PRAMEF26: variants seen among roughly 807,000 people sequenced by gnomAD.
PRAMEF26 encodes the protein PRAME family member 25.
At chr1:13,155,528 C>T (rs1642998114) in intron 1 of PRAMEF26, 2 of 76,504 alleles carry the variant, frequency 2.6e-5, no homozygotes, top group Non-Finnish European at 4.8e-5. Context: ...CATCCCCATC[C>T]TCAAAAAAAA....
intron 1 of PRAMEF26, chr1:13,154,801 A>C (rs1453684508): frequency 9.4e-5 from 1 of 10,680 alleles, no homozygotes; most frequent in Middle Eastern, 0.017. Context: ...TCCAGTGATT[A>C]CCTGGGTGGC....
chr1:13,155,215 T>TTAA (rs1424936502), intron 1 of PRAMEF26: 1 of 141,538 alleles, frequency 7.1e-6, no homozygotes, highest in African/African-American at 2.5e-5. Flanking sequence ...CCCAGCTAAT[T>TTAA]AAAAAAAAAA....
intron 1 of PRAMEF26, chr1:13,155,159 A>C (rs1488683402): frequency 7.0e-6 from 1 of 143,080 alleles, no homozygotes; most frequent in Non-Finnish European, 1.6e-5. Context: ...TGATTCTCCC[A>C]CACCAGCCAC....
rs1642994993 is a variant in PRAMEF26 at position 13,155,265 on chromosome 1, T to A, written c.-17+619A>T. The A allele has an allele frequency of 1.4e-5, 2 of 139,742 alleles. 1 individual carries two copies. The highest frequency in any genetic ancestry group is 1.4e-4 in the Admixed American group (2 of 13,834). 8.7% of individuals were successfully genotyped at this position (139,742 alleles called of 1,614,324 possible). A position where few individuals can be genotyped will look rare whatever the true frequency, so the allele number is the denominator to read the frequency against. On this transcript the variant is annotated intron_variant, in intron 1 of 3. Transcript: ENST00000624207. The stretch of plus-strand genomic sequence containing the variant: ...AAGCACCAGTGGCTCATGGCTCTAA[T>A]CCCAGCATTTTGGGAGGCCAAGGCA...
chr1:13,155,207 C>T (rs1249433945), intron 1 of PRAMEF26: 70 of 144,722 alleles, frequency 4.8e-4, no homozygotes, highest in African/African-American at 1.6e-3. Context: ...CCACCATGCC[C>T]AGCTAATTAA....
intron 1 of PRAMEF26, chr1:13,155,283 C>T (rs1476803309): frequency 7.2e-6 from 1 of 138,708 alleles, no homozygotes. Context: ...TTTTGGGAGG[C>T]CAAGGCAGGT....
chr1:13,155,142 G>T (rs1314802405), intron 1 of PRAMEF26: 4 of 141,594 alleles, frequency 2.8e-5, no homozygotes, highest in Non-Finnish European at 6.3e-5. Context: ...AATCTTCTGG[G>T]CTAAAGTGAT....
At chr1:13,155,558 G>C (rs1465591874) in intron 1 of PRAMEF26, 22 of 74,598 alleles carry the variant, frequency 2.9e-4, no homozygotes, top group Non-Finnish European at 3.4e-4. Flanking sequence ...GTGTAGAGGA[G>C]GGTTTTTGTC....
At chr1:13,154,804 T>G (rs1642988751) in intron 1 of PRAMEF26, 1 of 11,360 alleles carries the variant, frequency 8.8e-5, no homozygotes, top group Middle Eastern at 0.016. Context: ...AGTGATTACC[T>G]GGGTGGCATA....
chr1:13,155,750 A>G (rs1219066334), intron 1 of PRAMEF26, 134 bp downstream of exon 1: 3 of 100,712 alleles, frequency 3.0e-5, no homozygotes, highest in African/African-American at 1.5e-4. Context: ...AAAACATTCA[A>G]AGCTTCAAAT....
intron 1 of PRAMEF26, chr1:13,155,491 T>C (rs1206630650): frequency 6.0e-4 from 52 of 86,266 alleles, no homozygotes; most frequent in Admixed American, 4.2e-3. Flanking sequence ...GCCACTGCAC[T>C]CCAGTCTGGG....
At chr1:13,150,174 C>G (rs1642966294) in intron 3 of PRAMEF26, 1 of 167,208 alleles carries the variant, frequency 6.0e-6, no homozygotes, top group African/African-American at 2.6e-5. Flanking sequence ...GAAGCTGAGG[C>G]AGAAGAATCG....
chr1:13,155,188 A>G (rs1351787311), intron 1 of PRAMEF26: 1 of 145,856 alleles, frequency 6.9e-6, no homozygotes, highest in Non-Finnish European at 1.5e-5. Flanking sequence ...CTGGGGCTAC[A>G]GATGCATGCC....
intron 3 of PRAMEF26, chr1:13,150,307 T>C (rs1313707156): frequency 1.2e-5 from 2 of 173,752 alleles, no homozygotes; most frequent in Non-Finnish European, 2.4e-5. Context: ...CATTTGAGGC[T>C]GAGTCATTTC....
At chr1:13,155,816 C>G (rs1233528927) in intron 1 of PRAMEF26, 68 bp downstream of exon 1, 2 of 98,644 alleles carry the variant, frequency 2.0e-5, no homozygotes, top group South Asian at 3.3e-4. Context: ...GTAGGCTGCA[C>G]TGTCACCATC....
At chr1:13,150,155 G>C (rs1347622521) in intron 3 of PRAMEF26, 1 of 149,470 alleles carries the variant, frequency 6.7e-6, no homozygotes, top group Non-Finnish European at 1.4e-5. Context: ...TGCAATTCCA[G>C]CTACTTGGGA....
rs1169681669 is a variant in PRAMEF26 at position 13,155,239 on chromosome 1, C to T, written c.-17+645G>A. The T allele has an allele frequency of 2.0e-4, 29 of 145,266 alleles. 1 individual carries two copies. The Middle Eastern group carries it at 0.015, about 76-fold the overall frequency. The allele number at this position is 145,266 out of a possible 1,614,324, so 9.0% of individuals were successfully genotyped here. A position where few individuals can be genotyped will look rare whatever the true frequency, so the allele number is the denominator to read the frequency against. On this transcript the variant is annotated intron_variant, in intron 1 of 3. Transcript: ENST00000624207. ...TTAAAAAAAAAAAAAAAGTAGAGGCCAAGCACCAGTGGCTCATGGCTCTAA... is the reference window on the plus strand; with the variant it reads ...TTAAAAAAAAAAAAAAAGTAGAGGCTAAGCACCAGTGGCTCATGGCTCTAA...
intron 1 of PRAMEF26, chr1:13,154,874 G>A (rs1642989266): frequency 3.4e-5 from 1 of 29,228 alleles, no homozygotes; most frequent in African/African-American, 1.4e-4. Flanking sequence ...GAGTGCAGTG[G>A]TGCCATCTCG....
chr1:13,155,905 A>C lies in PRAMEF26; in HGVS notation c.-38T>G, dbSNP rs1309328763. On this transcript the variant is annotated 5_prime_UTR_variant, in exon 1 of 4. Transcript: ENST00000624207. ...TTACCAGATCTGGATGTAGTTTAGA[A>C]GGTGCTCAGACCTCAGGAAGAACCA... 5.5e-5 allele frequency: 4 copies of C among 72,618 alleles called. No individual in the cohort carries two copies. The highest frequency in any genetic ancestry group is 4.3e-4 in the African/African-American group (3 of 6,988). 4.5% of individuals were successfully genotyped at this position (72,618 alleles called of 1,614,324 possible). A position where few individuals can be genotyped will look rare whatever the true frequency, so the allele number is the denominator to read the frequency against.
Sources: gnomAD v4.1 joint callset for allele counts on GRCh38, gnomAD v4.1.1 for gene constraint, MANE v1.5 for transcripts, NCBI Gene and HGNC (gene_info 2026-07-23, HGNC 2026-07-21) for gene names.